The following ADAMTS9 variants were observed in gnomAD, a reference collection of about 807,000 sequenced individuals.
ADAMTS9 encodes the protein A disintegrin and metalloproteinase with thrombospondin motifs 9.
In ADAMTS9, 107 loss-of-function variants were observed where a neutral mutation model predicts 257.1. That is an observed-to-expected ratio of 0.42 (90% confidence interval 0.36 to 0.49). The LOEUF (loss-of-function observed/expected upper bound fraction) is 0.49. Among genes scored for constraint, ADAMTS9 ranks in the 20% least tolerant of loss-of-function variants. ADAMTS9 has a pLI of 0.03. For missense variants in ADAMTS9, 2,353 were observed against 2,469.1 expected, an observed-to-expected ratio of 0.95 and a Z score of 1.00; for synonymous variants, 982 against 880.9, an observed-to-expected ratio of 1.11 and a Z score of -2.03.
intron 12 of ADAMTS9, among the ~76,000 whole-genome samples, chr3:64,637,801 G>C (rs1050712939): frequency 1.3e-5 from 2 of 152,208 alleles, no homozygotes; most frequent in African/African-American, 4.8e-5. Context: ...GATTAGATGG[G>C]ATGGGGTGGG....
chr3:64,652,107 C>T (rs1700945566), intron 8 of ADAMTS9, among the ~76,000 whole-genome samples: 1 of 152,234 alleles, frequency 6.6e-6, no homozygotes. Flanking sequence ...CCTTCCCTCT[C>T]TCTGGATGAC....
At chr3:64,633,327 G>C in intron 14 of ADAMTS9, 145 bp downstream of exon 14, 1 of 1,236,538 alleles carries the variant, frequency 8.1e-7, no homozygotes, top group Non-Finnish European at 1.1e-6. Context: ...TATTGATGCT[G>C]TTGCTGATCC....
At chr3:64,657,943 T>TA (rs1701121980) in intron 4 of ADAMTS9, among the ~76,000 whole-genome samples, 1 of 152,158 alleles carries the variant, frequency 6.6e-6, no homozygotes, top group Non-Finnish European at 1.5e-5. Flanking sequence ...GAAAGCCTCC[T>TA]AGGCCTCACT....
chr3:64,624,685 A>G (rs1411983538), intron 16 of ADAMTS9, among the ~76,000 whole-genome samples: 1 of 152,228 alleles, frequency 6.6e-6, no homozygotes, highest in Non-Finnish European at 1.5e-5. Flanking sequence ...ATGTGACTTG[A>G]TATGAAAAAT....
chr3:64,518,978 A>G (rs2082817453), intron 39 of ADAMTS9, among the ~76,000 whole-genome samples: 1 of 151,950 alleles, frequency 6.6e-6, no homozygotes, highest in Non-Finnish European at 1.5e-5. Flanking sequence ...GGGTTTCACC[A>G]TGTTGGCCAG....
intron 6 of ADAMTS9, among the ~76,000 whole-genome samples, chr3:64,655,140 TC>T (rs1701031058): frequency 1.3e-5 from 2 of 152,174 alleles, no homozygotes; most frequent in Admixed American, 6.5e-5. Context: ...TTTTGCAAAA[TC>T]ACAAAAGCTG....
chr3:64,602,069 T>C lies in ADAMTS9; in HGVS notation c.3892A>G (p.Arg1298Gly), dbSNP rs1436026610. The C allele has an allele frequency of 6.2e-7, 1 of 1,613,944 alleles. No individual in the cohort carries two copies. Among genetic ancestry groups the C allele is most frequent in the African/African-American group, 1.3e-5 (1 of 74,902 alleles). The change falls in exon 26 of 40, where the codon AGG (arginine) becomes GGG (glycine). Residue 1298 changes from arginine to glycine, a missense_variant. By Grantham distance (125) the Arg-to-Gly change is moderately radical (BLOSUM62 -2). Transcript: ENST00000498707. ...TGAGCTAAGCCACTGTCTGGGGTCC[T>C]TTGAGGGCATGGTGACATGGAACAG... ...QDCSMSPCPQ[R>G]TPDSGLAQHP...
At chr3:64,593,961 ATGTGTGTGTGTGTGTG>A (rs200112357) in intron 28 of ADAMTS9, among the ~76,000 whole-genome samples, 19 of 108,262 alleles carry the variant, frequency 1.8e-4, no homozygotes, top group Non-Finnish European at 3.3e-5. Flanking sequence ...TGTGTGTATG[ATGTGTGTGTGTGTGTG>A]TGTGTGTGTG....
chr3:64,677,778 C>A (rs1039238619), intron 3 of ADAMTS9, among the ~76,000 whole-genome samples: 1 of 152,122 alleles, frequency 6.6e-6, no homozygotes, highest in East Asian at 1.9e-4. Flanking sequence ...TGAAGTCATA[C>A]AACTAACCAG....
In ADAMTS9 at chr3:64,686,114, A is replaced by G. The variant is rs973229749; in HGVS notation, c.516+454T>C. 1.3e-5 allele frequency among the ~76,000 whole-genome samples: 2 copies of G among 151,990 alleles called. No homozygotes were observed. Among genetic ancestry groups the G allele is most frequent in the African/African-American group, 4.8e-5 (2 of 41,388 alleles). Reference sequence around the variant, plus strand: ...GCCCTCCACAACACACACTGAAGGAACTCCCAGTGCCTTGGGCAGGGGATC... The same window carrying G: ...GCCCTCCACAACACACACTGAAGGAGCTCCCAGTGCCTTGGGCAGGGGATC... On this transcript the variant is annotated intron_variant, in intron 2 of 39. Coordinates refer to ENST00000498707, the MANE Select transcript of ADAMTS9 (RefSeq NM_182920.2). The surrounding 1 kb of genome is among the most constrained non-coding windows in gnomAD (Gnocchi z 4.6).
At chr3:64,653,090 T>C (rs1281581464) in intron 8 of ADAMTS9, among the ~76,000 whole-genome samples, 1 of 152,150 alleles carries the variant, frequency 6.6e-6, no homozygotes, top group Non-Finnish European at 1.5e-5. Context: ...TCCAAAACAC[T>C]TCTGGTCCCA....
At chr3:64,597,119 G>T in intron 26 of ADAMTS9, 128 bp from the exon 27 acceptor site, 1 of 1,302,076 alleles carries the variant, frequency 7.7e-7, no homozygotes, top group Admixed American at 2.1e-5. Flanking sequence ...AGGACAAAAA[G>T]CAATCAGGAA....
At chr3:64,593,836 A>G (rs2084306746) in intron 28 of ADAMTS9, among the ~76,000 whole-genome samples, 1 of 152,218 alleles carries the variant, frequency 6.6e-6, no homozygotes, top group Non-Finnish European at 1.5e-5. Context: ...CACTGAAGAA[A>G]AATTGCTTTG....
intron 26 of ADAMTS9, among the ~76,000 whole-genome samples, chr3:64,597,306 T>C (rs865936908): frequency 2.0e-5 from 3 of 152,188 alleles, no homozygotes; most frequent in Admixed American, 2.0e-4. Flanking sequence ...TCTGCATCTC[T>C]AAGAGGTACA....
At chr3:64,638,819 A>G (rs1320718240) in intron 12 of ADAMTS9, among the ~76,000 whole-genome samples, 1 of 152,156 alleles carries the variant, frequency 6.6e-6, no homozygotes, top group Non-Finnish European at 1.5e-5. Context: ...AATATACTAT[A>G]AAGTCTCTGG....
At chr3:64,535,118 C>T (rs935822388) in intron 37 of ADAMTS9, among the ~76,000 whole-genome samples, 1 of 152,150 alleles carries the variant, frequency 6.6e-6, no homozygotes, top group Non-Finnish European at 1.5e-5. Context: ...TGGCTCACAC[C>T]TGTAATCCTA....
chr3:64,620,676 T>C (rs1222382669), intron 19 of ADAMTS9, among the ~76,000 whole-genome samples: 1 of 152,188 alleles, frequency 6.6e-6, no homozygotes, highest in Non-Finnish European at 1.5e-5. Context: ...GCTACCTTAG[T>C]GTACTGCAAC....
At chr3:64,635,068 A>T (rs1056952067) in intron 12 of ADAMTS9, among the ~76,000 whole-genome samples, 1 of 152,114 alleles carries the variant, frequency 6.6e-6, no homozygotes, top group Non-Finnish European at 1.5e-5. Context: ...GTTACCTACT[A>T]TGATACTTCA....
Position 64,631,872 on chromosome 3 carries a change from C to A in ADAMTS9, c.2229G>T (p.Gly743=). 2 of 1,613,998 alleles carry A rather than the reference C, an allele frequency of 1.2e-6. No individual in the cohort carries two copies. Among genetic ancestry groups the A allele is most frequent in the Non-Finnish European group, 1.7e-6 (2 of 1,179,952 alleles). Residue 743 remains glycine, a synonymous_variant, in exon 15 of 40, where the codon GGG becomes GGT. Transcript: ENST00000498707. The part of the protein sequence containing the change: ...LNSKARRDKC[G]VCGGDNSSCK... ...ATGAAGAATTATCGCCACCACAAACCCCACATTTATCTCTCCGGGCTTTTG... is the reference window on the plus strand; with the variant it reads ...ATGAAGAATTATCGCCACCACAAACACCACATTTATCTCTCCGGGCTTTTG...
Sources: gnomAD v4.1 joint callset for allele counts (sites outside exome capture counted in the v4.1 genomes callset) on GRCh38, gnomAD v4.1.1 for gene constraint, Gnocchi (gnomAD v3.1) non-coding constraint, MANE v1.5 for transcripts, NCBI Gene and HGNC (gene_info 2026-07-23, HGNC 2026-07-21) for gene names.